The following RANBP2 variants were observed in gnomAD, a reference collection of about 807,000 sequenced individuals.
RANBP2 encodes the protein E3 SUMO-protein ligase RanBP2.
RANBP2 carries 57 observed loss-of-function variants against 303.6 expected under a neutral mutation model. The observed-to-expected ratio is 0.19, with a 90% confidence interval of 0.15 to 0.23. RANBP2 has a LOEUF of 0.23. Among genes scored for constraint, RANBP2 ranks in the 10% least tolerant of loss-of-function variants. The probability of loss-of-function intolerance (pLI) is 1.00; values close to 1 mark genes in which losing one functional copy is unlikely to be tolerated. For missense variants in RANBP2, 3,138 were observed against 3,780.8 expected, an observed-to-expected ratio of 0.83 and a Z score of 4.46; for synonymous variants, 1,167 against 1,301.5, an observed-to-expected ratio of 0.90 and a Z score of 2.23.
chr2:109,192,417 A>G, the RANBP2 span, among the ~76,000 whole-genome samples: 3 of 152,258 alleles, frequency 2.0e-5, no homozygotes, highest in Non-Finnish European at 4.4e-5. Flanking sequence ...CATAGAAGAC[A>G]TTAACTTCCC....
chr2:108,856,540 A>C, the RANBP2 span, among the ~76,000 whole-genome samples: 4 of 152,226 alleles, frequency 2.6e-5, no homozygotes, highest in African/African-American at 4.8e-5. Flanking sequence ...AGTATTAAAA[A>C]ATGTGGCTTG....
At position 108,784,092 on chromosome 2, in the gene RANBP2, T is replaced by A; in HGVS notation, c.*191T>A. ...CCTTGCATGGTGTGAAATAAAAGTT[T>A]AAACACTGGTGTATTTCAGGTGTAC... On this transcript the variant is annotated 3_prime_UTR_variant, in exon 29 of 29. Coordinates refer to ENST00000283195, the MANE Select transcript of RANBP2 (RefSeq NM_006267.5). The A allele has an allele frequency of 1.7e-6, 1 of 582,442 alleles. No individual in the cohort carries two copies. The highest frequency in any genetic ancestry group is 3.0e-6 in the Non-Finnish European group (1 of 332,296). 36.1% of individuals were successfully genotyped at this position (582,442 alleles called of 1,614,324 possible).
At chr2:109,209,900 CCT>C in the RANBP2 span, among the ~76,000 whole-genome samples, 252 of 152,240 alleles carry the variant, frequency 1.7e-3, no homozygotes, top group African/African-American at 5.8e-3. Context: ...GTACGTCCCC[CCT>C]GTTTTGTAAC....
chr2:109,025,269 T>A, the RANBP2 span, among the ~76,000 whole-genome samples: 1 of 152,226 alleles, frequency 6.6e-6, no homozygotes, highest in Non-Finnish European at 1.5e-5. Flanking sequence ...GTTGATAGAC[T>A]TTCAGTTGAT....
At chr2:109,581,767 C>G in the RANBP2 span, among the ~76,000 whole-genome samples, 1 of 152,118 alleles carries the variant, frequency 6.6e-6, no homozygotes, top group Admixed American at 6.5e-5. Flanking sequence ...AGAACTGAAA[C>G]AAGATATGCC....
At chr2:109,129,400 C>T in the RANBP2 span, 25 of 1,397,146 alleles carry the variant, frequency 1.8e-5, no homozygotes, top group Non-Finnish European at 2.3e-5. Flanking sequence ...CGCCACAGCC[C>T]TAGCATCGGG....
chr2:109,162,066 AT>A, the RANBP2 span, among the ~76,000 whole-genome samples: 2 of 152,104 alleles, frequency 1.3e-5, no homozygotes, highest in African/African-American at 4.8e-5. Context: ...GAGTTTATGG[AT>A]GCTGATTTGG....
the RANBP2 span, among the ~76,000 whole-genome samples, chr2:108,933,316 G>T: frequency 6.6e-6 from 1 of 152,134 alleles, no homozygotes; most frequent in Non-Finnish European, 1.5e-5. Context: ...TTTTATGCAG[G>T]TCTGTATTGT....
chr2:108,944,888 C>A, the RANBP2 span, among the ~76,000 whole-genome samples: 218 of 152,298 alleles, frequency 1.4e-3, 9 homozygotes, highest in South Asian at 0.043. Flanking sequence ...CCCAGAGGAA[C>A]TGACGCCGGG....
chr2:109,243,955 A>G, the RANBP2 span, among the ~76,000 whole-genome samples: 2 of 152,334 alleles, frequency 1.3e-5, no homozygotes, highest in East Asian at 3.9e-4. Flanking sequence ...AGCCATGGGC[A>G]CTTGGTGGTT....
the RANBP2 span, among the ~76,000 whole-genome samples, chr2:109,237,365 C>T: frequency 6.6e-6 from 1 of 152,122 alleles, no homozygotes; most frequent in Non-Finnish European, 1.5e-5. Flanking sequence ...TGTTGTTTCT[C>T]AGCTTTCAAA....
chr2:108,798,848 CACACAT>C, the RANBP2 span, among the ~76,000 whole-genome samples: 1 of 149,160 alleles, frequency 6.7e-6, no homozygotes, highest in Non-Finnish European at 1.5e-5. Context: ...CACACACACA[CACACAT>C]TTTTTCTGAT....
the RANBP2 span, among the ~76,000 whole-genome samples, chr2:108,892,439 C>A: frequency 6.6e-6 from 1 of 152,122 alleles, no homozygotes; most frequent in Non-Finnish European, 1.5e-5. Flanking sequence ...GCTTGCAGCT[C>A]ACTCCCCATT....
At chr2:108,781,211 G>A in intron 25 of RANBP2, 58 bp from the exon 26 acceptor site, 2 of 1,528,674 alleles carry the variant, frequency 1.3e-6, no homozygotes, top group South Asian at 2.2e-5. Flanking sequence ...AAATAAGAGG[G>A]GGATGAAAAA....
the RANBP2 span, among the ~76,000 whole-genome samples, chr2:109,030,745 T>G: frequency 1.3e-5 from 2 of 152,180 alleles, no homozygotes; most frequent in Non-Finnish European, 2.9e-5. Context: ...CTTGACAGTT[T>G]TTGTTGTTGT....
the RANBP2 span, among the ~76,000 whole-genome samples, chr2:109,450,304 C>T: frequency 6.6e-6 from 1 of 151,908 alleles, no homozygotes; most frequent in Middle Eastern, 3.2e-3. Context: ...CAAGATTGTG[C>T]CACTGCACTC....
the RANBP2 span, chr2:109,564,536 T>C: frequency 2.7e-6 from 4 of 1,492,904 alleles, no homozygotes; most frequent in Non-Finnish European, 3.6e-6. Flanking sequence ...CATTTTCCAC[T>C]AGCCAAAAAA....
At chr2:109,159,213 C>CT in the RANBP2 span, among the ~76,000 whole-genome samples, 1 of 152,236 alleles carries the variant, frequency 6.6e-6, no homozygotes, top group Non-Finnish European at 1.5e-5. Flanking sequence ...CCAGGCTCTG[C>CT]TTTGAGCTTC....
At chr2:108,861,472 C>CTTTT in the RANBP2 span, among the ~76,000 whole-genome samples, 18 of 123,522 alleles carry the variant, frequency 1.5e-4, 5 homozygotes, top group African/African-American at 5.8e-4. Flanking sequence ...AACTTTCTTC[C>CTTTT]TTTTTTTTTT....
Sources: gnomAD v4.1 joint callset for allele counts (sites outside exome capture counted in the v4.1 genomes callset) on GRCh38, gnomAD v4.1.1 for gene constraint, MANE v1.5 for transcripts, NCBI Gene and HGNC (gene_info 2026-07-23, HGNC 2026-07-21) for gene names.